KCNN3: variants seen among roughly 807,000 people sequenced by gnomAD.
The protein encoded by KCNN3 is potassium calcium-activated channel subfamily N member 3, also known as small conductance calcium-activated potassium channel protein 3.
KCNN3 carries 16 observed loss-of-function variants against 62.9 expected under a neutral mutation model. The observed-to-expected ratio is 0.25, with a 90% CI of 0.17 to 0.39. The LOEUF (loss-of-function observed/expected upper bound fraction) is 0.39, where lower values mean the gene tolerates loss of function less well. Ranked by LOEUF, KCNN3 falls within the 10% of genes least tolerant of loss-of-function variation. The probability of loss-of-function intolerance (pLI) is 1.00; values close to 1 mark genes in which losing one functional copy is unlikely to be tolerated. For missense variants in KCNN3, 599 were observed against 949.4 expected (o/e 0.63, Z 4.85); for synonymous variants, 370 against 389.2 (o/e 0.95, Z 0.58).
chr1:154,775,559 C>A (rs915543167), intron 2 of KCNN3, among the ~76,000 whole-genome samples: 4 of 149,644 alleles, frequency 2.7e-5, no homozygotes, highest in African/African-American at 1.0e-4. Flanking sequence ...GCCCTCTGAG[C>A]AGCCAGCCCC....
chr1:154,737,971 A>C (rs1331420563), intron 3 of KCNN3, among the ~76,000 whole-genome samples: 1 of 152,106 alleles, frequency 6.6e-6, no homozygotes, highest in African/African-American at 2.4e-5. Context: ...TTAGTGAATC[A>C]GTCTCCCAAT....
At chr1:154,757,905 T>C (rs1166019062) in intron 3 of KCNN3, among the ~76,000 whole-genome samples, 3 of 152,130 alleles carry the variant, frequency 2.0e-5, no homozygotes, top group African/African-American at 7.2e-5. Flanking sequence ...CACCGTGTGC[T>C]AAATGTTCTA....
Position 154,713,366 on chromosome 1 carries a change from G to C in KCNN3, c.1899+98C>G, listed in dbSNP as rs1700118261. 11 of 951,368 alleles carry C rather than the reference G, an allele frequency of 1.2e-5. No homozygotes were observed. In the Admixed American group the frequency reaches 1.9e-4, roughly 16 times the overall value. 58.9% of individuals were successfully genotyped at this position (951,368 alleles called of 1,614,324 possible). On this transcript the variant is annotated intron_variant, in intron 7 of 7. Coordinates refer to ENST00000271915, the MANE Select transcript of KCNN3 (RefSeq NM_002249.6). ...AATTTTTCTTTGCTTGCCTGGTCCC[G>C]CGCTGTCCAGTGCGAACCCAGCCAG... is the stretch of plus-strand genomic sequence containing the variant.
At position 154,809,641 on chromosome 1, in the gene KCNN3, C is replaced by A. The variant is rs1650318742; in HGVS notation, c.1029+12448G>T. Among the ~76,000 whole-genome samples, 1 of 152,286 alleles carries A rather than the reference C, an allele frequency of 6.6e-6. No individual in the cohort carries two copies. Among genetic ancestry groups the A allele is most frequent in the African/African-American group, 2.4e-5 (1 of 41,564 alleles). On this transcript the variant is annotated intron_variant, in intron 2 of 7. Transcript: ENST00000271915. The surrounding 1 kb of genome is among the most constrained non-coding windows in gnomAD (Gnocchi z 4.3). ...CAGGAAGCTGGGAGGCCCCCAAATA[C>A]ATGTTGCTGAGTGAGATGCTAAAAG...
intron 5 of KCNN3, among the ~76,000 whole-genome samples, chr1:154,719,316 C>T (rs746755217): frequency 2.6e-5 from 4 of 152,154 alleles, no homozygotes; most frequent in Non-Finnish European, 5.9e-5. Flanking sequence ...TTTAAATACA[C>T]ACATCTTGGA....
chr1:154,763,285 T>G (rs1338373422), intron 3 of KCNN3, among the ~76,000 whole-genome samples: 1 of 152,238 alleles, frequency 6.6e-6, no homozygotes, highest in East Asian at 1.9e-4. Flanking sequence ...ATTCCTATCT[T>G]TGCCTTTGTT....
chr1:154,868,404 T>C, intron 1 of KCNN3: 1 of 977,986 alleles, frequency 1.0e-6, no homozygotes. Context: ...GATGGTTTTC[T>C]ATTTTGCCCG....
chr1:154,816,927 C>T (rs1210028005), intron 2 of KCNN3, among the ~76,000 whole-genome samples: 1 of 152,166 alleles, frequency 6.6e-6, no homozygotes, highest in Non-Finnish European at 1.5e-5. Context: ...AGTGAACTTG[C>T]CCCTCTACCC....
intron 3 of KCNN3, among the ~76,000 whole-genome samples, chr1:154,743,113 C>A (rs1412483528): frequency 1.3e-5 from 2 of 151,730 alleles, no homozygotes; most frequent in African/African-American, 4.8e-5. Flanking sequence ...ACCAGCCCCA[C>A]CCTCTCACCT....
rs2101742716 is a variant in KCNN3, at chr1:154,698,198, T to C, written c.*9778A>G. ...TAAAGCACCTAATTTGCATTTTTATTATTATTATTATTTACCTAGAACTAC... is the reference window on the plus strand; with the variant it reads ...TAAAGCACCTAATTTGCATTTTTATCATTATTATTATTTACCTAGAACTAC... On this transcript the variant is annotated 3_prime_UTR_variant, in exon 8 of 8. Transcript: ENST00000271915. 1 of 152,294 alleles carries C rather than the reference T, an allele frequency of 6.6e-6. No homozygotes were observed. Among genetic ancestry groups the C allele is most frequent in the Middle Eastern group, 3.4e-3 (1 of 294 alleles). 9.4% of individuals were successfully genotyped at this position (152,294 alleles called of 1,614,324 possible).
chr1:154,817,131 G>A (rs954700597), intron 2 of KCNN3, among the ~76,000 whole-genome samples: 1 of 152,196 alleles, frequency 6.6e-6, no homozygotes, highest in African/African-American at 2.4e-5. Flanking sequence ...GTAGGTACTG[G>A]TTCCGGGTGG....
chr1:154,825,363 C>CT (rs1557994769), intron 1 of KCNN3, among the ~76,000 whole-genome samples: 15 of 130,448 alleles, frequency 1.1e-4, no homozygotes, highest in African/African-American at 3.6e-4. Context: ...TGATGAGAAT[C>CT]ATTTTTTTTT....
At position 154,869,556 on chromosome 1, in the gene KCNN3, G is replaced by A. The variant is rs753245766; in HGVS notation, c.409C>T (p.Leu137Phe). Residue 137 changes from leucine to phenylalanine, a missense_variant, in exon 1 of 8, where the codon CTT becomes TTT. Around this residue, in one of 7 missense-constraint regions of KCNN3, gnomAD observed 112 missense variants for 142.9 expected, o/e 0.78. Transcript: ENST00000271915. This position sits in a 1 kb window ranked among gnomAD's most constrained non-coding sequence, Gnocchi z 6.1. The part of the protein sequence containing the change: ...GSQLNLNDHL[L>F]GHSPSSTATS... The stretch of plus-strand genomic sequence containing the variant: ...GCTGTGGAACTTGGAGAGTGGCCAA[G>A]CAAGTGGTCATTGAGATTGAGCTGG... 4.3e-6 allele frequency: 7 copies of A among 1,614,142 alleles called. No homozygotes were observed. The highest frequency in any genetic ancestry group is 1.7e-5 in the Admixed American group (1 of 60,022).
intron 1 of KCNN3, among the ~76,000 whole-genome samples, chr1:154,868,747 G>A (rs1053167683): frequency 2.0e-5 from 3 of 151,982 alleles, no homozygotes; most frequent in African/African-American, 7.3e-5. Context: ...ACAGTGTGTG[G>A]GGATGTCCCC....
intron 2 of KCNN3, among the ~76,000 whole-genome samples, chr1:154,803,631 G>C (rs1650046644): frequency 6.6e-6 from 1 of 152,200 alleles, no homozygotes; most frequent in Non-Finnish European, 1.5e-5. Flanking sequence ...AAGGAGCGTT[G>C]AGTCCTGTTT....
chr1:154,726,089 G>C, intron 4 of KCNN3, 63 bp from the exon 5 acceptor site: 1 of 1,255,064 alleles, frequency 8.0e-7, no homozygotes, highest in Non-Finnish European at 1.1e-6. Flanking sequence ...CAAGATGAGA[G>C]ACTCAACACG....
At chr1:154,766,724 G>A (rs1648308352) in intron 3 of KCNN3, among the ~76,000 whole-genome samples, 1 of 149,256 alleles carries the variant, frequency 6.7e-6, no homozygotes, top group Non-Finnish European at 1.5e-5. Context: ...CTGTCACCCA[G>A]GCTGGAGTGC....
intron 3 of KCNN3, among the ~76,000 whole-genome samples, chr1:154,739,885 C>A (rs578157393): frequency 1.3e-5 from 2 of 152,344 alleles, no homozygotes; most frequent in East Asian, 3.9e-4. Flanking sequence ...TTAAGTCAAG[C>A]CTTGAGGTGA....
Position 154,869,475 on chromosome 1 carries a change from G to C in KCNN3, c.490C>G (p.Arg164Gly). ...RHRQASPLVH[R>G]RDSNPFTEIA... The stretch of plus-strand genomic sequence containing the variant: ...TCCGTGAAGGGGTTGCTGTCCCGCC[G>C]GTGCACCAGGGGGCTGGCCTGTCGG... The change falls in exon 1 of 8, where the codon CGG (arginine) becomes GGG (glycine). Residue 164 changes from arginine (R) to glycine (G), a missense_variant. Arg to Gly is a moderately radical substitution (Grantham distance 125). Transcript: ENST00000271915. This position sits in a 1 kb window ranked among gnomAD's most constrained non-coding sequence, Gnocchi z 6.1. 1.2e-6 allele frequency: 2 copies of C among 1,614,098 alleles called. No individual in the cohort carries two copies. Among genetic ancestry groups the C allele is most frequent in the South Asian group, 2.2e-5 (2 of 91,068 alleles).
Sources: gnomAD v4.1 joint callset for allele counts (sites outside exome capture counted in the v4.1 genomes callset) on GRCh38, gnomAD v4.1.1 for gene constraint, gnomAD v4.1.1 regional missense constraint, Gnocchi (gnomAD v3.1) non-coding constraint, MANE v1.5 for transcripts, NCBI Gene and HGNC (gene_info 2026-07-23, HGNC 2026-07-21) for gene names.